The following HTR2C variants were observed in gnomAD, a reference collection of about 807,000 sequenced individuals.
HTR2C encodes the protein 5-hydroxytryptamine receptor 2C, also known as 5-hydroxytryptamine (serotonin) receptor 2C, G protein-coupled.
Under a neutral mutation model 21.0 loss-of-function variants are expected in HTR2C, and 5 were observed. The observed-to-expected ratio is 0.24, with a 90% CI of 0.12 to 0.50. The LOEUF (loss-of-function observed/expected upper bound fraction) is 0.50. Ranked by LOEUF, HTR2C falls within the 20% of genes least tolerant of loss-of-function variation. The pLI is 0.98. For missense variants in HTR2C, 271 were observed against 371.2 expected (o/e 0.73, Z 2.22); for synonymous variants, 150 against 145.3 (o/e 1.03, Z -0.23).
intron 2 of HTR2C, among the ~76,000 whole-genome samples, chrX:114,662,749 T>C (rs1287357214): frequency 8.9e-6 from 1 of 112,040 alleles, no homozygotes; most frequent in African/African-American, 3.2e-5. Flanking sequence ...TTATTCATTT[T>C]GAAATTATCA....
intron 2 of HTR2C, among the ~76,000 whole-genome samples, chrX:114,652,192 T>G (rs782750414): frequency 7.2e-5 from 8 of 111,781 alleles, no homozygotes; most frequent in African/African-American, 9.7e-5. Context: ...GAAAAAAAAT[T>G]TCCTAGACTG....
intron 4 of HTR2C, among the ~76,000 whole-genome samples, chrX:114,830,192 C>T (rs782673882): frequency 1.8e-5 from 2 of 110,879 alleles, no homozygotes; most frequent in African/African-American, 6.6e-5. Flanking sequence ...ATTTAATGAT[C>T]GATGCTTGCC....
At chrX:114,852,840 T>C (rs912371725) in intron 5 of HTR2C, among the ~76,000 whole-genome samples, 4 of 110,197 alleles carry the variant, frequency 3.6e-5, no homozygotes, top group Admixed American at 9.7e-5. Context: ...TGTGTTTGTG[T>C]GCGCGCGCGC....
At chrX:114,866,554 A>G (rs2071047292) in intron 5 of HTR2C, among the ~76,000 whole-genome samples, 1 of 109,861 alleles carries the variant, frequency 9.1e-6, no homozygotes, top group Non-Finnish European at 1.9e-5. Flanking sequence ...ATTATTGACT[A>G]TAGTCACCCT....
Position 114,783,908 on chromosome X carries a change from A to C in HTR2C, c.349+52301A>C, listed in dbSNP as rs782163784. 4.0e-4 allele frequency among the ~76,000 whole-genome samples: 45 copies of C among 111,292 alleles called. No individual in the cohort carries two copies. In the South Asian group the frequency reaches 5.7e-3, roughly 14 times the overall value. On this transcript the variant is annotated intron_variant, in intron 4 of 5. Coordinates refer to ENST00000276198, the MANE Select transcript of HTR2C (RefSeq NM_000868.4). ...CTATAACAAAATACTAGATATCAAA[A>C]CTTGCCAGATGAATCTAAAGCAGTG...
In HTR2C at chrX:114,640,226, G is replaced by A. The variant is rs781926305; in HGVS notation, c.-80+26345G>A. Among the ~76,000 whole-genome samples, 165 of 111,265 alleles carry A rather than the reference G, an allele frequency of 1.5e-3. 1 individual carries two copies. Among genetic ancestry groups the A allele is most frequent in the Non-Finnish European group, 2.5e-3 (134 of 53,024 alleles). On this transcript the variant is annotated intron_variant, in intron 2 of 5. Transcript: ENST00000276198. ...TTTTCTTCAATTGACTGATGATAAC[G>A]AATCCTCGAACCATAAAAAGTAGAA...
At chrX:114,883,178 A>C (rs1482068327) in intron 5 of HTR2C, among the ~76,000 whole-genome samples, 1 of 110,010 alleles carries the variant, frequency 9.1e-6, no homozygotes, top group Non-Finnish European at 1.9e-5. Flanking sequence ...CCTATAATCC[A>C]TATTTCTGAA....
chrX:114,685,872 G>C lies in HTR2C; in HGVS notation c.-79-40986G>C, dbSNP rs1216595414. 5.4e-5 allele frequency among the ~76,000 whole-genome samples: 6 copies of C among 111,897 alleles called. No homozygotes were observed. The Admixed American group carries it at 5.7e-4, about 11-fold the overall frequency. ...TAGCTGATGTGCACAGGTAGTGGTA[G>C]TGATTTTGCTACCTGATATTATAAT... On this transcript the variant is annotated intron_variant, in intron 2 of 5. Transcript: ENST00000276198.
intron 4 of HTR2C, among the ~76,000 whole-genome samples, chrX:114,762,195 C>T (rs1602755281): frequency 9.1e-6 from 1 of 109,600 alleles, no homozygotes; most frequent in East Asian, 2.9e-4. Flanking sequence ...TCCAAACCCC[C>T]TTTTGCTAGA....
intron 4 of HTR2C, among the ~76,000 whole-genome samples, chrX:114,789,207 C>T (rs1374732429): frequency 1.8e-5 from 2 of 111,868 alleles, no homozygotes; most frequent in African/African-American, 6.5e-5. Flanking sequence ...GTTTAATTAC[C>T]CTTTTGTGAT....
intron 4 of HTR2C, among the ~76,000 whole-genome samples, chrX:114,802,962 A>G (rs1379088418): frequency 6.5e-5 from 5 of 77,164 alleles, no homozygotes; most frequent in Non-Finnish European, 4.8e-5. Context: ...ATTCCCACCT[A>G]TGAGTGAGAA....
At chrX:114,589,378 G>A (rs1556390507) in intron 1 of HTR2C, among the ~76,000 whole-genome samples, 1 of 111,404 alleles carries the variant, frequency 9.0e-6, no homozygotes, top group African/African-American at 3.3e-5. Flanking sequence ...ATGAAGTCAG[G>A]GAAATAATGC....
chrX:114,718,021 T>A (rs1933044097), intron 2 of HTR2C, among the ~76,000 whole-genome samples: 1 of 111,342 alleles, frequency 9.0e-6, no homozygotes, highest in African/African-American at 3.3e-5. Context: ...TTGTTTTCTT[T>A]GATTTTGTTA....
chrX:114,659,436 G>A (rs1930905516), intron 2 of HTR2C, among the ~76,000 whole-genome samples: 1 of 111,521 alleles, frequency 9.0e-6, no homozygotes, highest in South Asian at 3.7e-4. Flanking sequence ...GAAGAACACA[G>A]CATCACTTCT....
chrX:114,847,017 T>C lies in HTR2C; in HGVS notation c.350-986T>C, dbSNP rs2070878772. On this transcript the variant is annotated intron_variant, in intron 4 of 5. Transcript: ENST00000276198. ...ATGAAAGAATTTAAGAAAACAATTC[T>C]ATTTACAACAGCTTCCAAAAAAACC... 3.6e-5 allele frequency among the ~76,000 whole-genome samples: 4 copies of C among 111,033 alleles called. No individual in the cohort carries two copies. In the South Asian group the frequency reaches 1.5e-3, roughly 42 times the overall value.
intron 2 of HTR2C, among the ~76,000 whole-genome samples, chrX:114,673,293 T>C (rs955690985): frequency 8.9e-6 from 1 of 112,185 alleles, no homozygotes; most frequent in East Asian, 2.8e-4. Flanking sequence ...TCATTTTTTA[T>C]GATTATCTTC....
intron 1 of HTR2C, among the ~76,000 whole-genome samples, chrX:114,604,566 A>G (rs1928310429): frequency 9.0e-6 from 1 of 110,889 alleles, no homozygotes; most frequent in South Asian, 3.9e-4. Context: ...GTCAGTCTTC[A>G]GCCGCTAATC....
chrX:114,867,114 C>T (rs1556474848), intron 5 of HTR2C, among the ~76,000 whole-genome samples: 18 of 111,725 alleles, frequency 1.6e-4, no homozygotes, highest in Non-Finnish European at 1.9e-5. Flanking sequence ...ATTTACATTC[C>T]CACCAACAGT....
intron 2 of HTR2C, among the ~76,000 whole-genome samples, chrX:114,626,226 A>AT (rs1929365860): frequency 4.7e-5 from 5 of 106,197 alleles, no homozygotes; most frequent in African/African-American, 1.4e-4. Context: ...AAAAAAAAAA[A>AT]AAATAATAAA....
Sources: allele counts gnomAD v4.1 joint callset (sites outside exome capture counted in the v4.1 genomes callset), GRCh38; gene constraint gnomAD v4.1.1; transcripts MANE v1.5; gene names NCBI Gene and HGNC (gene_info 2026-07-23, HGNC 2026-07-21).